The following PTHLH variants were observed in gnomAD, a reference collection of about 807,000 sequenced individuals.
PTHLH encodes parathyroid hormone like hormone, also known as parathyroid hormone-related protein.
PTHLH carries 5 observed loss-of-function variants against 18.6 expected under a neutral mutation model. That is an observed-to-expected ratio of 0.27 (90% CI 0.14 to 0.56). PTHLH has a LOEUF of 0.56. PTHLH is among the 20% of genes least tolerant of loss of function. PTHLH has a pLI of 0.92. For missense variants in PTHLH, 207 were observed against 223.9 expected (o/e 0.92, Z 0.48); for synonymous variants, 90 against 94.0 (o/e 0.96, Z 0.25).
intron 2 of PTHLH, 198 bp from the exon 3 acceptor site, chr12:27,970,465 C>T (rs548488193): frequency 6.0e-5 from 9 of 151,180 alleles, no homozygotes; most frequent in African/African-American, 1.5e-4. Flanking sequence ...GGAGCTCCCC[C>T]CTCCCGCGCT....
At position 27,969,452 on chromosome 12, in the gene PTHLH, G is replaced by T; in HGVS notation, c.43C>A (p.Leu15Met). The stretch of plus-strand genomic sequence containing the variant: ...CAGGAGGGCACCGCGTAGCTCAGCA[G>T]GAACACCGCGACGCTCCACTGCTGA... Reference protein sequence around the residue: ...LVQQWSVAVFLLSYAVPSCGR... With the variant: ...LVQQWSVAVFMLSYAVPSCGR... The change falls in exon 4 of 6, where the codon CTG becomes ATG. Residue 15 changes from leucine (L) to methionine (M), a missense_variant. Coordinates refer to ENST00000545234, the MANE Select transcript of PTHLH (RefSeq NM_198965.2). 6.3e-7 allele frequency: 1 copy of T among 1,593,532 alleles called. No homozygotes were observed. Among genetic ancestry groups the T allele is most frequent in the Non-Finnish European group, 8.5e-7 (1 of 1,171,850 alleles).
At chr12:27,962,909 A>C (rs1021304855) in intron 5 of PTHLH, 2 of 1,050,348 alleles carry the variant, frequency 1.9e-6, no homozygotes, top group African/African-American at 3.4e-5. Context: ...GTTTGTAGAT[A>C]ATATCAAATG....
chr12:27,962,857 G>C (rs2062773577), intron 5 of PTHLH: 1 of 983,138 alleles, frequency 1.0e-6, no homozygotes, highest in African/African-American at 1.7e-5. Context: ...TAAAAAGTGT[G>C]AATGGCTCAG....
At chr12:27,963,205 T>A (rs2062776823) in intron 5 of PTHLH, 143 bp downstream of exon 5, 1 of 1,536,370 alleles carries the variant, frequency 6.5e-7, no homozygotes, top group Non-Finnish European at 8.7e-7. Context: ...ATATTCTGAG[T>A]TATTCTCTGT....
At chr12:27,964,261 T>TCTCTCTCTCC (rs2062790467) in intron 4 of PTHLH, among the ~76,000 whole-genome samples, 1 of 15,670 alleles carries the variant, frequency 6.4e-5, no homozygotes, top group Non-Finnish European at 1.7e-4. Flanking sequence ...TCTCTCTCTC[T>TCTCTCTCTCC]CTCTCTCCTC....
intron 5 of PTHLH, among the ~76,000 whole-genome samples, chr12:27,961,465 A>C (rs1319720347): frequency 2.8e-5 from 4 of 144,762 alleles, no homozygotes; most frequent in Non-Finnish European, 6.1e-5. Context: ...TTGAATGTTT[A>C]CTATATACAT....
Position 27,970,202 on chromosome 12 carries a change from G to C in PTHLH, c.-200C>G. On this transcript the variant is annotated 5_prime_UTR_variant, in exon 3 of 6. Coordinates refer to ENST00000545234, the MANE Select transcript of PTHLH (RefSeq NM_198965.2). ...TCACGGGCGGGGAGACATGCTGGCC[G>C]GGCGGCGCAGGTTGGAGGCGAGTTG... 1 of 507,108 alleles carries C rather than the reference G, an allele frequency of 2.0e-6. No homozygotes were observed. The highest frequency in any genetic ancestry group is 2.0e-5 in the Admixed American group (1 of 50,830). The allele number at this position is 507,108 out of a possible 1,614,324, so 31.4% of individuals were successfully genotyped here. A position where few individuals can be genotyped will look rare whatever the true frequency, so the allele number is the denominator to read the frequency against.
intron 1 of PTHLH, among the ~76,000 whole-genome samples, chr12:27,972,236 G>A (rs2062877059): frequency 6.6e-6 from 1 of 152,068 alleles, no homozygotes; most frequent in South Asian, 2.1e-4. Context: ...AATCACTTAT[G>A]TTGTAAATAA....
rs139515706 is a variant in PTHLH, at chr12:27,958,726, T to C, written c.525-158A>G. On this transcript the variant is annotated intron_variant, in intron 5 of 5. Transcript: ENST00000545234. ...AAATATCTCCTGCAAGAGGTATCTG[T>C]GGGATCCACCCAGATCTCCATAACC... 393 of 660,490 alleles carry C rather than the reference T, an allele frequency of 6.0e-4. 1 individual carries two copies. The African/African-American group carries it at 6.8e-3, about 11-fold the overall frequency. 40.9% of individuals were successfully genotyped at this position (660,490 alleles called of 1,614,324 possible).
chr12:27,961,931 T>C, intron 5 of PTHLH: 1 of 726,910 alleles, frequency 1.4e-6, no homozygotes, highest in Non-Finnish European at 2.5e-6. Flanking sequence ...ATGAGATCAT[T>C]AGTTGCATAT....
chr12:27,969,843 C>T, intron 3 of PTHLH, 182 bp downstream of exon 3: 1 of 536,048 alleles, frequency 1.9e-6, no homozygotes, highest in Non-Finnish European at 3.7e-6. Context: ...GTTTACACGT[C>T]TCCCATAGCA....
chr12:27,970,687 G>C (rs917009663), intron 2 of PTHLH, among the ~76,000 whole-genome samples: 1 of 152,126 alleles, frequency 6.6e-6, no homozygotes, highest in Non-Finnish European at 1.5e-5. Context: ...CGAGCTGGAC[G>C]AGCGGGCGCC....
intron 5 of PTHLH, chr12:27,961,909 G>C (rs764012602): frequency 1.4e-6 from 1 of 714,188 alleles, no homozygotes; most frequent in Non-Finnish European, 2.5e-6. Flanking sequence ...AGTAACAGGG[G>C]ACTCTTAAAT....
Position 27,964,335 on chromosome 12 carries a change from C to T in PTHLH, c.102-565G>A, listed in dbSNP as rs33088. Reference sequence around the variant, plus strand: ...AAATAATAATATTGAAACAGCAAGCCGTAAGAGTAAAAACAAACAAAGGCT... The same window carrying T: ...AAATAATAATATTGAAACAGCAAGCTGTAAGAGTAAAAACAAACAAAGGCT... On this transcript the variant is annotated intron_variant, in intron 4 of 5. Coordinates refer to ENST00000545234, the MANE Select transcript of PTHLH (RefSeq NM_198965.2). Among the ~76,000 whole-genome samples, 1,174 of 151,634 alleles carry T rather than the reference C, an allele frequency of 7.7e-3. 14 individuals carry two copies. Among genetic ancestry groups the T allele is most frequent in the African/African-American group, 0.026 (1,056 of 41,266 alleles).
intron 4 of PTHLH, 45 bp downstream of exon 4, chr12:27,969,349 C>G (rs2062845550): frequency 1.3e-6 from 2 of 1,525,082 alleles, no homozygotes; most frequent in African/African-American, 1.4e-5. Context: ...AGCCCCTCCC[C>G]CTGGCCTCCC....
intron 4 of PTHLH, among the ~76,000 whole-genome samples, chr12:27,966,777 C>T (rs11049242): frequency 0.15 from 22,487 of 151,976 alleles, 1,874 homozygotes; most frequent in Middle Eastern, 0.28. Context: ...TCAGCCCAAA[C>T]ATAGTTCTTC....
At chr12:27,967,641 C>T (rs2062827154) in intron 4 of PTHLH, among the ~76,000 whole-genome samples, 1 of 152,108 alleles carries the variant, frequency 6.6e-6, no homozygotes, top group African/African-American at 2.4e-5. Flanking sequence ...TGATTTCAGC[C>T]TCCATGAAAA....
chr12:27,969,397 C>T lies in PTHLH; in HGVS notation c.98G>A (p.Arg33His). 4 of 1,577,466 alleles carry T rather than the reference C, an allele frequency of 2.5e-6. No individual in the cohort carries two copies. Among genetic ancestry groups the T allele is most frequent in the Non-Finnish European group, 2.6e-6 (3 of 1,165,124 alleles). ...CTGGGGAGGATGGGGCACTTACAGG[C>T]GGCGGCTGAGACCCTCCACCGAGCG... ...CGRSVEGLSR[R>H]LKRAVSEHQL... Residue 33 changes from arginine (R) to histidine (H), a missense_variant, in exon 4 of 6, where the codon CGC becomes CAC. Coordinates refer to ENST00000545234, the MANE Select transcript of PTHLH (RefSeq NM_198965.2).
chr12:27,963,821 G>T (rs757041118), intron 4 of PTHLH, 51 bp from the exon 5 acceptor site: 3 of 1,563,708 alleles, frequency 1.9e-6, no homozygotes, highest in African/African-American at 2.7e-5. Context: ...TTTAGTTGCT[G>T]ATAGAGACAA....
Sources: gnomAD v4.1 joint callset for allele counts (sites outside exome capture counted in the v4.1 genomes callset) on GRCh38, gnomAD v4.1.1 for gene constraint, MANE v1.5 for transcripts, NCBI Gene and HGNC (gene_info 2026-07-23, HGNC 2026-07-21) for gene names.